FOXP2: variants seen among roughly 807,000 people sequenced by gnomAD.
The protein encoded by FOXP2 is forkhead box protein P2.
FOXP2 carries 12 observed loss-of-function variants against 115.8 expected under a neutral mutation model. The observed-to-expected ratio is 0.10, with a 90% CI of 0.07 to 0.17. FOXP2 has a LOEUF of 0.17. Among genes scored for constraint, FOXP2 ranks in the 10% least tolerant of loss-of-function variants. The pLI is 1.00. For synonymous variants in FOXP2, 328 were observed against 297.7 expected (o/e 1.10, Z -1.05); for missense variants, 629 against 843.5 (o/e 0.75, Z 3.15).
chr7:114,671,811 G>C (rs1807499881), intron 16 of FOXP2, among the ~76,000 whole-genome samples: 1 of 152,132 alleles, frequency 6.6e-6, no homozygotes, highest in South Asian at 2.1e-4. Flanking sequence ...AAAGTCAACT[G>C]TTATTTCAGA....
chr7:114,500,857 G>C (rs1023567480), intron 2 of FOXP2, among the ~76,000 whole-genome samples: 2 of 152,152 alleles, frequency 1.3e-5, no homozygotes, highest in African/African-American at 2.4e-5. Flanking sequence ...ATAAAGATGG[G>C]GAATTGTTGA....
At chr7:114,434,263 G>T (rs1332431057) in intron 2 of FOXP2, among the ~76,000 whole-genome samples, 3 of 151,724 alleles carry the variant, frequency 2.0e-5, no homozygotes, top group African/African-American at 7.3e-5. Flanking sequence ...AAAATGTGTT[G>T]CTTTATAAAG....
chr7:114,379,166 G>A (rs546513105), intron 2 of FOXP2, among the ~76,000 whole-genome samples: 8 of 152,290 alleles, frequency 5.3e-5, no homozygotes, highest in Admixed American at 1.3e-4. Context: ...AAAGGGGGTT[G>A]CTGTTGCTGG....
intron 1 of FOXP2, among the ~76,000 whole-genome samples, chr7:114,164,583 G>C (rs924690698): frequency 6.6e-6 from 1 of 151,712 alleles, no homozygotes; most frequent in Non-Finnish European, 1.5e-5. Context: ...CTTGTGATCC[G>C]CCCGCCTCAG....
chr7:114,138,618 C>G (rs184995804), intron 1 of FOXP2, among the ~76,000 whole-genome samples: 30 of 152,240 alleles, frequency 2.0e-4, no homozygotes, highest in African/African-American at 6.5e-4. Flanking sequence ...GTCTCGAACT[C>G]CTGACCTCAT....
intron 2 of FOXP2, among the ~76,000 whole-genome samples, chr7:114,318,630 A>G (rs942205020): frequency 6.6e-6 from 1 of 151,808 alleles, no homozygotes; most frequent in Non-Finnish European, 1.5e-5. Context: ...CAAATACATT[A>G]AAGGAATAGT....
chr7:114,492,144 G>A (rs1286000004), intron 2 of FOXP2, among the ~76,000 whole-genome samples: 1 of 152,138 alleles, frequency 6.6e-6, no homozygotes, highest in Non-Finnish European at 1.5e-5. Context: ...TCTTGGGAGG[G>A]TGTATGTGTC....
intron 9 of FOXP2, among the ~76,000 whole-genome samples, chr7:114,652,817 T>C (rs1317628887): frequency 6.6e-6 from 1 of 152,174 alleles, no homozygotes; most frequent in African/African-American, 2.4e-5. Flanking sequence ...TAAAGGCAGA[T>C]AATTTATATC....
chr7:114,631,162 A>G (rs1804895299), intron 5 of FOXP2: 2 of 154,024 alleles, frequency 1.3e-5, no homozygotes, highest in African/African-American at 2.5e-5. Flanking sequence ...ATTCAATTGG[A>G]AAAAAAAAAA....
At chr7:114,460,193 C>T (rs1795502971) in intron 2 of FOXP2, among the ~76,000 whole-genome samples, 1 of 151,720 alleles carries the variant, frequency 6.6e-6, no homozygotes, top group Non-Finnish European at 1.5e-5. Flanking sequence ...TATGTCAGGC[C>T]CTGGGCATCC....
chr7:114,135,340 T>A (rs1029426553), intron 1 of FOXP2, among the ~76,000 whole-genome samples: 1 of 152,074 alleles, frequency 6.6e-6, no homozygotes, highest in African/African-American at 2.4e-5. Flanking sequence ...AAAAGCAAAA[T>A]TTATTTTTTT....
At chr7:114,422,699 C>T (rs1793673381) in intron 1 of FOXP2, among the ~76,000 whole-genome samples, 1 of 151,586 alleles carries the variant, frequency 6.6e-6, no homozygotes, top group South Asian at 2.1e-4. Flanking sequence ...GCTGAGATAA[C>T]ACAATTAACT....
At chr7:114,299,699 A>G (rs773028707) in intron 2 of FOXP2, among the ~76,000 whole-genome samples, 5 of 151,976 alleles carry the variant, frequency 3.3e-5, no homozygotes, top group Admixed American at 6.6e-5. Flanking sequence ...ACTCATTTTA[A>G]TCATTATTTG....
chr7:114,433,677 GC>G (rs1272082100), intron 2 of FOXP2, among the ~76,000 whole-genome samples: 1 of 151,850 alleles, frequency 6.6e-6, no homozygotes, highest in Non-Finnish European at 1.5e-5. Flanking sequence ...AACTAAAGTA[GC>G]TAACATTAAA....
intron 2 of FOXP2, among the ~76,000 whole-genome samples, chr7:114,492,197 G>C (rs1295939486): frequency 6.6e-6 from 1 of 152,078 alleles, no homozygotes; most frequent in African/African-American, 2.4e-5. Context: ...GTTTATTTGC[G>C]TAGAGGTGTT....
chr7:114,366,927 AT>A, intron 2 of FOXP2, among the ~76,000 whole-genome samples: 1 of 152,060 alleles, frequency 6.6e-6, no homozygotes, highest in East Asian at 1.9e-4. Flanking sequence ...TTTTGTTAAG[AT>A]TGGATATTAA....
At chr7:114,577,906 A>C (rs1379171307) in intron 3 of FOXP2, among the ~76,000 whole-genome samples, 1 of 151,964 alleles carries the variant, frequency 6.6e-6, no homozygotes, top group African/African-American at 2.4e-5. Flanking sequence ...CTCAGAGATA[A>C]ATTCTCATTA....
intron 2 of FOXP2, among the ~76,000 whole-genome samples, chr7:114,447,114 T>C (rs1794868816): frequency 6.6e-6 from 1 of 152,054 alleles, no homozygotes; most frequent in Non-Finnish European, 1.5e-5. Context: ...AGGATTCTTG[T>C]CTCCTTTCAC....
At chr7:114,128,217 T>C (rs1168999606) in intron 1 of FOXP2, among the ~76,000 whole-genome samples, 1 of 152,186 alleles carries the variant, frequency 6.6e-6, no homozygotes, top group Non-Finnish European at 1.5e-5. Context: ...TAAAAGACCT[T>C]GGTTTTAATG....
Sources: gnomAD v4.1 joint callset for allele counts (sites outside exome capture counted in the v4.1 genomes callset) on GRCh38, gnomAD v4.1.1 for gene constraint, MANE v1.5 for transcripts, NCBI Gene and HGNC (gene_info 2026-07-23, HGNC 2026-07-21) for gene names.